KSR1: variants seen among roughly 807,000 people sequenced by gnomAD.
KSR1 encodes kinase suppressor of ras 1.
In KSR1, 35 loss-of-function variants were observed where a neutral mutation model predicts 92.9. The ratio of observed to expected loss-of-function variants is 0.38; its 90% CI spans 0.29 to 0.50. The LOEUF is 0.50. Among genes scored for constraint, KSR1 ranks in the 20% least tolerant of loss-of-function variants. KSR1 has a pLI of 0.94. For missense variants in KSR1, 972 were observed against 1,158.5 expected (o/e 0.84, Z 2.34); for synonymous variants, 467 against 472.6 (o/e 0.99, Z 0.15).
chr17:27,619,032 G>T (rs2074142702), intron 19 of KSR1, among the ~76,000 whole-genome samples: 1 of 152,088 alleles, frequency 6.6e-6, no homozygotes, highest in Non-Finnish European at 1.5e-5. Context: ...CTTTCTAAAA[G>T]TGAAATCTCC....
In KSR1 at chr17:27,625,691, GCT is replaced by G. The variant is rs550716629; in HGVS notation, c.*2305_*2306del. 3 of 152,200 alleles carry G rather than the reference GCT, an allele frequency of 2.0e-5. 1 individual carries two copies. The South Asian group carries it at 6.2e-4, about 32-fold the overall frequency. The allele number at this position is 152,200 out of a possible 1,614,324, so 9.4% of individuals were successfully genotyped here. A position where few individuals can be genotyped will look rare whatever the true frequency, so the allele number is the denominator to read the frequency against. On this transcript the variant is annotated 3_prime_UTR_variant, in exon 21 of 21. Coordinates refer to ENST00000644974, the MANE Select transcript of KSR1 (RefSeq NM_001394583.1). ...GGAAGGCACACCTGCCCTTCTGTGT[GCT>G]CTCTCCACACGAAGGATGACAGATA... is the stretch of plus-strand genomic sequence containing the variant.
chr17:27,520,762 C>T (rs934884314), intron 1 of KSR1, among the ~76,000 whole-genome samples: 2 of 152,214 alleles, frequency 1.3e-5, no homozygotes, highest in Non-Finnish European at 2.9e-5. Context: ...CTCCTTTTCC[C>T]GAGGGTGGGG....
intron 1 of KSR1, among the ~76,000 whole-genome samples, chr17:27,496,136 C>G (rs2068978206): frequency 6.6e-6 from 1 of 152,178 alleles, no homozygotes; most frequent in Non-Finnish European, 1.5e-5. Context: ...TGGGATAGGC[C>G]TGTTTCTTCT....
At chr17:27,542,382 T>C (rs1597985554) in intron 1 of KSR1, among the ~76,000 whole-genome samples, 1 of 152,296 alleles carries the variant, frequency 6.6e-6, no homozygotes, top group East Asian at 1.9e-4. Context: ...TCACAACAGA[T>C]TTAACCCCCT....
Position 27,623,545 on chromosome 17 carries a change from C to T in KSR1, c.*153C>T, listed in dbSNP as rs918515283. 2 of 666,958 alleles carry T rather than the reference C, an allele frequency of 3.0e-6. No homozygotes were observed. The highest frequency in any genetic ancestry group is 5.4e-6 in the Non-Finnish European group (2 of 373,218). 41.3% of individuals were successfully genotyped at this position (666,958 alleles called of 1,614,324 possible). Reference sequence around the variant, plus strand: ...TTCAGACTGTTGGCCATAAACCCCACTCGGGAGATGGAGCTGCACCTGCTA... The same window carrying T: ...TTCAGACTGTTGGCCATAAACCCCATTCGGGAGATGGAGCTGCACCTGCTA... On this transcript the variant is annotated 3_prime_UTR_variant, in exon 21 of 21. Transcript: ENST00000644974.
chr17:27,509,384 G>A lies in KSR1; in HGVS notation c.232-41184G>A, dbSNP rs548567904. 3.3e-5 allele frequency among the ~76,000 whole-genome samples: 5 copies of A among 151,792 alleles called. No individual in the cohort carries two copies. In the South Asian group the frequency reaches 6.3e-4, roughly 19 times the overall value. ...TGGCTCACTGCAAGCTCTGCCTCCC[G>A]GGTTCACGCCATTCTCCTGCCTCAG... is the stretch of plus-strand genomic sequence containing the variant. On this transcript the variant is annotated intron_variant, in intron 1 of 20. Transcript: ENST00000644974.
intron 6 of KSR1, among the ~76,000 whole-genome samples, chr17:27,589,805 T>C (rs12449885): frequency 0.15 from 22,721 of 152,140 alleles, 1,874 homozygotes; most frequent in Admixed American, 0.23. Flanking sequence ...GGATTGAAAA[T>C]ACACTGATAC....
chr17:27,476,430 C>G (rs1463448918), intron 1 of KSR1, among the ~76,000 whole-genome samples: 2 of 152,178 alleles, frequency 1.3e-5, no homozygotes, highest in Non-Finnish European at 2.9e-5. Context: ...GCTGCTGGGA[C>G]TTGAGCAGTG....
chr17:27,458,221 T>C (rs543826358), intron 1 of KSR1, among the ~76,000 whole-genome samples: 1 of 152,372 alleles, frequency 6.6e-6, no homozygotes, highest in South Asian at 2.1e-4. Flanking sequence ...GCATGCATGC[T>C]GCAGTTTTCC....
chr17:27,534,735 C>T (rs1313491127), intron 1 of KSR1, among the ~76,000 whole-genome samples: 1 of 152,184 alleles, frequency 6.6e-6, no homozygotes, highest in South Asian at 2.1e-4. Context: ...CTGAGGTGCA[C>T]AGGGCCTAGG....
chr17:27,512,248 CT>C lies in KSR1; in HGVS notation c.232-38318del, dbSNP rs1372715347. On this transcript the variant is annotated intron_variant, in intron 1 of 20. Transcript: ENST00000644974. The stretch of plus-strand genomic sequence containing the variant: ...CAAGCCATTTCCTCCTTCAGAGGAG[CT>C]TATGATTTTGGCTTGGAAAATAGAG... Among the ~76,000 whole-genome samples the C allele has an allele frequency of 1.2e-4, 18 of 152,292 alleles. 1 individual carries two copies. The highest frequency in any genetic ancestry group is 6.2e-4 in the South Asian group (3 of 4,824).
intron 1 of KSR1, among the ~76,000 whole-genome samples, chr17:27,545,926 A>G (rs1273907741): frequency 6.6e-6 from 1 of 152,136 alleles, no homozygotes; most frequent in Non-Finnish European, 1.5e-5. Flanking sequence ...TGCAAATGGC[A>G]TATGTTAGGA....
intron 1 of KSR1, among the ~76,000 whole-genome samples, chr17:27,490,344 A>G (rs555658435): frequency 1.1e-4 from 16 of 152,210 alleles, no homozygotes; most frequent in Non-Finnish European, 1.9e-4. Context: ...TTTGTTGTAA[A>G]ATTATGAGAA....
intron 1 of KSR1, among the ~76,000 whole-genome samples, chr17:27,469,405 C>T (rs1236075853): frequency 6.6e-6 from 1 of 152,164 alleles, no homozygotes; most frequent in Non-Finnish European, 1.5e-5. Flanking sequence ...ACAACACAAT[C>T]GTGATGTCAC....
chr17:27,461,154 T>C (rs2019415481), intron 1 of KSR1, among the ~76,000 whole-genome samples: 1 of 152,240 alleles, frequency 6.6e-6, no homozygotes, highest in African/African-American at 2.4e-5. Flanking sequence ...TGATCTCGGA[T>C]CACTGCAATC....
chr17:27,599,547 ACT>A (rs2073471416), intron 10 of KSR1, among the ~76,000 whole-genome samples: 4 of 152,138 alleles, frequency 2.6e-5, no homozygotes, highest in Admixed American at 2.0e-4. Context: ...ACAGAGCAAG[ACT>A]CTGTCTCTAA....
chr17:27,500,160 G>A (rs185414326), intron 1 of KSR1, among the ~76,000 whole-genome samples: 1 of 152,324 alleles, frequency 6.6e-6, no homozygotes, highest in African/African-American at 2.4e-5. Context: ...TATAAAGAGT[G>A]CAGGGGTCAG....
intron 9 of KSR1, 115 bp from the exon 10 acceptor site, chr17:27,597,153 T>C: frequency 8.5e-7 from 1 of 1,170,872 alleles, no homozygotes; most frequent in Non-Finnish European, 1.2e-6. Flanking sequence ...TGTCAGACCC[T>C]GAGGATTCCC....
intron 1 of KSR1, among the ~76,000 whole-genome samples, chr17:27,481,159 G>A (rs972198570): frequency 1.3e-5 from 2 of 152,076 alleles, no homozygotes; most frequent in Admixed American, 6.6e-5. Context: ...TTACACTTCA[G>A]GTAGTTTTTT....
Sources: gnomAD v4.1 joint callset for allele counts (sites outside exome capture counted in the v4.1 genomes callset) on GRCh38, gnomAD v4.1.1 for gene constraint, MANE v1.5 for transcripts, NCBI Gene and HGNC (gene_info 2026-07-23, HGNC 2026-07-21) for gene names.